The following CRACR2A variants were observed in gnomAD, a reference collection of about 807,000 sequenced individuals.
The protein encoded by CRACR2A is EF-hand calcium-binding domain-containing protein 4B.
Under a neutral mutation model 90.5 loss-of-function variants are expected in CRACR2A, and 79 were observed. The observed-to-expected ratio is 0.87, with a 90% CI of 0.73 to 1.05. The LOEUF (loss-of-function observed/expected upper bound fraction) is 1.05. Among genes scored for constraint, CRACR2A ranks in the 50% least tolerant of loss-of-function variants. The pLI is 0.00. For missense variants in CRACR2A, 823 were observed against 897.2 expected, an observed-to-expected ratio of 0.92 and a Z score of 1.06; for synonymous variants, 338 against 356.7, an observed-to-expected ratio of 0.95 and a Z score of 0.59.
intron 2 of CRACR2A, among the ~76,000 whole-genome samples, chr12:3,715,537 G>A (rs958860212): frequency 6.6e-6 from 1 of 152,174 alleles, no homozygotes; most frequent in Non-Finnish European, 1.5e-5. Flanking sequence ...CTGAAACAAG[G>A]TACAGTTTAC....
intron 10 of CRACR2A, among the ~76,000 whole-genome samples, chr12:3,650,393 C>A (rs1319238969): frequency 1.3e-5 from 2 of 152,226 alleles, no homozygotes; most frequent in African/African-American, 4.8e-5. Context: ...TCAACTCAGA[C>A]AATTCCAATT....
At chr12:3,715,893 T>C (rs1946075802) in intron 2 of CRACR2A, among the ~76,000 whole-genome samples, 1 of 152,234 alleles carries the variant, frequency 6.6e-6, no homozygotes, top group African/African-American at 2.4e-5. Flanking sequence ...CCTTTAAAGA[T>C]TTAAGATTAG....
intron 12 of CRACR2A, among the ~76,000 whole-genome samples, chr12:3,643,843 ATATATTATATATT>A (rs1447713641): frequency 4.5e-5 from 3 of 66,568 alleles, no homozygotes; most frequent in Middle Eastern, 7.8e-3. Flanking sequence ...TATATATAAT[ATATATTATATATT>A]TATATTATAT....
intron 3 of CRACR2A, among the ~76,000 whole-genome samples, chr12:3,701,070 A>T (rs1305142563): frequency 6.6e-6 from 1 of 152,154 alleles, no homozygotes; most frequent in African/African-American, 2.4e-5. Flanking sequence ...GAAAATGTCC[A>T]AGTATTTGGA....
At chr12:3,720,885 C>A (rs956341) in intron 2 of CRACR2A, among the ~76,000 whole-genome samples, 1 of 152,222 alleles carries the variant, frequency 6.6e-6, no homozygotes, top group Non-Finnish European at 1.5e-5. Context: ...CTGTGTCATT[C>A]TAAAGCAAGA....
chr12:3,617,360 C>T (rs959550357), intron 18 of CRACR2A, among the ~76,000 whole-genome samples: 2 of 152,256 alleles, frequency 1.3e-5, no homozygotes, highest in African/African-American at 4.8e-5. Flanking sequence ...CCCTGTGATT[C>T]AGGCAAAGAC....
In CRACR2A at chr12:3,624,304, T is replaced by C. The variant is rs558498801; in HGVS notation, c.1932+3132A>G. 3.6e-4 allele frequency among the ~76,000 whole-genome samples: 55 copies of C among 152,340 alleles called. 2 individuals carry two copies. Among genetic ancestry groups the C allele is most frequent in the Admixed American group, 3.3e-3 (51 of 15,298 alleles). Reference sequence around the variant, plus strand: ...ATTAAAGCTCCCCCTCCACCCTCCCTTCTCCAGGCGAGGGAGTTGGTAAAG... The same window carrying C: ...ATTAAAGCTCCCCCTCCACCCTCCCCTCTCCAGGCGAGGGAGTTGGTAAAG... On this transcript the variant is annotated intron_variant, in intron 17 of 19. Transcript: ENST00000440314.
At chr12:3,717,477 C>G (rs11062772) in intron 2 of CRACR2A, among the ~76,000 whole-genome samples, 18,727 of 152,202 alleles carry the variant, frequency 0.12, 1,261 homozygotes, top group Middle Eastern at 0.2. Context: ...AGGTTATGTT[C>G]TCAGCTGCCA....
In CRACR2A at chr12:3,651,170, G is replaced by A. The variant is rs111790059; in HGVS notation, c.1047-2557C>T. 1.2e-4 allele frequency among the ~76,000 whole-genome samples: 18 copies of A among 152,346 alleles called. No individual in the cohort carries two copies. In the East Asian group the frequency reaches 3.1e-3, roughly 26 times the overall value. ...ATTGGCTGTTTTAGGGGAGGGATGC[G>A]CTATGGAGCACTTCACAAGCCATAC... On this transcript the variant is annotated intron_variant, in intron 10 of 19. Transcript: ENST00000440314.
At chr12:3,687,622 T>C (rs186822843) in intron 4 of CRACR2A, among the ~76,000 whole-genome samples, 3 of 152,368 alleles carry the variant, frequency 2.0e-5, no homozygotes, top group East Asian at 1.9e-4. Flanking sequence ...GTTGATTCCA[T>C]GTCTTTGCTC....
chr12:3,750,465 T>C (rs1174170033), intron 1 of CRACR2A, among the ~76,000 whole-genome samples: 2 of 152,244 alleles, frequency 1.3e-5, no homozygotes, highest in African/African-American at 4.8e-5. Flanking sequence ...TAAGAGGCCG[T>C]GGACCTGCTC....
At position 3,678,991 on chromosome 12, in the gene CRACR2A, C is replaced by T. The variant is rs748779260; in HGVS notation, c.448G>A (p.Gly150Ser). 1.9e-6 allele frequency: 3 copies of T among 1,614,118 alleles called. No individual in the cohort carries two copies. In the South Asian group the frequency reaches 3.3e-5, roughly 18 times the overall value. The change falls in exon 6 of 20, where the codon GGC (glycine) becomes AGC (serine). Residue 150 changes from glycine (G) to serine (S), a missense_variant. Transcript: ENST00000440314. Reference sequence around the variant, plus strand: ...GCTTCCTCATCTTCGCCCATGTCGCCCAGATCCTCATCCCCTCTGGACAGA... The same window carrying T: ...GCTTCCTCATCTTCGCCCATGTCGCTCAGATCCTCATCCCCTCTGGACAGA... ...VYLSRGDEDL[G>S]DMGEDEEAQF...
chr12:3,651,290 C>T (rs1226869200), intron 10 of CRACR2A, among the ~76,000 whole-genome samples: 2 of 152,222 alleles, frequency 1.3e-5, no homozygotes, highest in Admixed American at 1.3e-4. Context: ...TGCGTGTGCA[C>T]GTGTGTGCAC....
At chr12:3,681,146 C>T (rs544323867) in intron 4 of CRACR2A, among the ~76,000 whole-genome samples, 3 of 152,340 alleles carry the variant, frequency 2.0e-5, no homozygotes, top group African/African-American at 7.2e-5. Flanking sequence ...TGTGGACACA[C>T]ATTTTGGTGC....
chr12:3,698,834 A>C (rs1945785807), intron 3 of CRACR2A, among the ~76,000 whole-genome samples: 1 of 152,132 alleles, frequency 6.6e-6, no homozygotes, highest in African/African-American at 2.4e-5. Flanking sequence ...GCTTTTGGAT[A>C]ATGATGGTGG....
At chr12:3,653,253 T>C (rs1944833217) in intron 10 of CRACR2A, among the ~76,000 whole-genome samples, 1 of 152,166 alleles carries the variant, frequency 6.6e-6, no homozygotes, top group African/African-American at 2.4e-5. Context: ...AGTGCTGGGA[T>C]TACAGGCGTG....
At chr12:3,692,770 G>C (rs890628983) in intron 4 of CRACR2A, among the ~76,000 whole-genome samples, 1 of 152,152 alleles carries the variant, frequency 6.6e-6, no homozygotes, top group Admixed American at 6.5e-5. Context: ...TTGGGGGCCA[G>C]AGGCCCCTGT....
intron 2 of CRACR2A, among the ~76,000 whole-genome samples, chr12:3,718,501 A>G (rs1946111052): frequency 6.6e-6 from 1 of 152,220 alleles, no homozygotes; most frequent in Non-Finnish European, 1.5e-5. Flanking sequence ...CAAGCCACAT[A>G]TGAAGGTGAG....
intron 4 of CRACR2A, among the ~76,000 whole-genome samples, chr12:3,687,005 G>T (rs1026223068): frequency 6.6e-6 from 1 of 152,060 alleles, no homozygotes; most frequent in Non-Finnish European, 1.5e-5. Context: ...TAAGCACCCT[G>T]CCCTTTCTCC....
Sources: gnomAD v4.1 joint callset for allele counts (sites outside exome capture counted in the v4.1 genomes callset) on GRCh38, gnomAD v4.1.1 for gene constraint, MANE v1.5 for transcripts, NCBI Gene and HGNC (gene_info 2026-07-23, HGNC 2026-07-21) for gene names.